NCOR2: variants seen among roughly 807,000 people sequenced by gnomAD.
NCOR2 encodes the protein nuclear receptor corepressor 2.
NCOR2 carries 81 observed loss-of-function variants against 262.9 expected under a neutral mutation model. That is an observed-to-expected ratio of 0.31 (90% CI 0.26 to 0.37). The LOEUF (loss-of-function observed/expected upper bound fraction) is 0.37. Ranked by LOEUF, NCOR2 falls within the 10% of genes least tolerant of loss-of-function variation. The pLI, the probability that NCOR2 is intolerant of heterozygous loss-of-function variation, is 1.00. For synonymous variants in NCOR2, 1,659 were observed against 1,559.3 expected, an observed-to-expected ratio of 1.06 and a Z score of -1.51; for missense variants, 3,385 against 3,621.4, an observed-to-expected ratio of 0.93 and a Z score of 1.68.
At chr12:124,447,693 TC>T (rs2045266626) in intron 7 of NCOR2, among the ~76,000 whole-genome samples, 3 of 149,708 alleles carry the variant, frequency 2.0e-5, no homozygotes, top group East Asian at 3.9e-4. Context: ...CTTTTTTCTT[TC>T]TTTCTTTTTT....
chr12:124,460,578 C>G (rs1316539859), intron 5 of NCOR2, among the ~76,000 whole-genome samples: 1 of 152,216 alleles, frequency 6.6e-6, no homozygotes, highest in Non-Finnish European at 1.5e-5. Context: ...CTCTCTGCCC[C>G]CTCCATAGAG....
In NCOR2 at chr12:124,517,606, G is replaced by A. The variant is rs979029860; in HGVS notation, c.-118+17959C>T. The stretch of plus-strand genomic sequence containing the variant: ...CCGCGGAGCCCCAGGGCAGAGCCTC[G>A]GGAGCGCCCACGATCACATGCCCTC... On this transcript the variant is annotated intron_variant, in intron 1 of 46. Coordinates refer to the NCOR2 transcript ENST00000404621. This position sits in a 1 kb window ranked among gnomAD's most constrained non-coding sequence, Gnocchi z 7.6. 3.3e-5 allele frequency among the ~76,000 whole-genome samples: 5 copies of A among 152,150 alleles called. No individual in the cohort carries two copies. The highest frequency in any genetic ancestry group is 1.2e-4 in the African/African-American group (5 of 41,436).
At chr12:124,398,328 T>C in intron 15 of NCOR2, 147 bp from the exon 18 acceptor site, 1 of 787,110 alleles carries the variant, frequency 1.3e-6, no homozygotes, top group Non-Finnish European at 2.1e-6. Flanking sequence ...GAAGGCCACA[T>C]TTCAGACGCC....
Position 124,440,971 on chromosome 12 carries a change from G to A in NCOR2, c.816-2975C>T. Among the ~76,000 whole-genome samples, 1 of 152,152 alleles carries A rather than the reference G, an allele frequency of 6.6e-6. No individual in the cohort carries two copies. Among genetic ancestry groups the A allele is most frequent in the East Asian group, 1.9e-4 (1 of 5,192 alleles). On this transcript the variant is annotated intron_variant, in intron 7 of 46. Transcript: ENST00000405201. This position sits in a 1 kb window ranked among gnomAD's most constrained non-coding sequence, Gnocchi z 5.7. ...GGCCCTGTGGCTGGACAGTGCTGGGGAGGGGCAGAGAGGACGGAGGAGGGG... is the reference window on the plus strand; with the variant it reads ...GGCCCTGTGGCTGGACAGTGCTGGGAAGGGGCAGAGAGGACGGAGGAGGGG...
intron 2 of NCOR2, among the ~76,000 whole-genome samples, chr12:124,484,602 A>ACTGCACTCCTGCCC (rs2047676864): frequency 1.3e-5 from 2 of 152,120 alleles, no homozygotes; most frequent in Non-Finnish European, 2.9e-5. Context: ...CTGTCCCGCC[A>ACTGCACTCCTGCCC]CTGCACTCCT....
Position 124,426,355 on chromosome 12 carries a change from C to G in NCOR2, c.1328+267G>C, listed in dbSNP as rs555414199. ...GAAGGCAGAGCATGGAAGGATGCAT[C>G]TAGAAGCCCCGGAAGGCCAAGGATG... On this transcript the variant is annotated intron_variant, in intron 11 of 46. Coordinates refer to ENST00000405201, the Ensembl canonical transcript of NCOR2. Among the ~76,000 whole-genome samples the G allele has an allele frequency of 3.3e-5, 5 of 152,318 alleles. No individual in the cohort carries two copies. The East Asian group carries it at 9.7e-4, about 29-fold the overall frequency.
Position 124,450,213 on chromosome 12 carries a change from G to A in NCOR2, c.763-346C>T, listed in dbSNP as rs529217391. 7.2e-5 allele frequency among the ~76,000 whole-genome samples: 11 copies of A among 152,324 alleles called. No individual in the cohort carries two copies. In the South Asian group the frequency reaches 2.3e-3, roughly 32 times the overall value. On this transcript the variant is annotated intron_variant, in intron 6 of 46. Transcript: ENST00000405201. ...CAGAGATTGGCCCTGGCCACCAAACGTGGAAAGCCACTTGGCTTCCTAGCT... is the reference window on the plus strand; with the variant it reads ...CAGAGATTGGCCCTGGCCACCAAACATGGAAAGCCACTTGGCTTCCTAGCT...
chr12:124,495,317 G>T (rs1413935325), upstream of NCOR2: 3 of 1,529,188 alleles, frequency 2.0e-6, no homozygotes, highest in Non-Finnish European at 2.6e-6. This position sits in a 1 kb window ranked among gnomAD's most constrained non-coding sequence, Gnocchi z 4.4. Flanking sequence ...CACCACCAAG[G>T]ATTAAAAGCC....
intron 8 of NCOR2, among the ~76,000 whole-genome samples, chr12:124,435,662 C>T (rs757701154): frequency 1.1e-4 from 16 of 152,198 alleles, no homozygotes; most frequent in Non-Finnish European, 1.8e-4. Context: ...CACGTGCCCA[C>T]ACACCTGCCC....
intron 44 of NCOR2, 103 bp from the exon 47 acceptor site, chr12:124,327,736 G>T: frequency 1.3e-6 from 1 of 748,730 alleles, no homozygotes. Context: ...GGAAGGAGGA[G>T]GAGGAGGAGG....
At chr12:124,559,406 T>C (rs558680588) in intron 1 of NCOR2, among the ~76,000 whole-genome samples, 25 of 152,276 alleles carry the variant, frequency 1.6e-4, no homozygotes, top group Non-Finnish European at 3.2e-4. Flanking sequence ...GGTTCTCAAA[T>C]GGGACATCTT....
rs958627720 is a variant in NCOR2 at position 124,428,086 on chromosome 12, T to TGTGTGTGTGTGTGTGTGTGTGTGTGC, written c.1150-1287_1150-1286insGCACACACACACACACACACACACAC. Among the ~76,000 whole-genome samples, 414 of 147,138 alleles carry TGTGTGTGTGTGTGTGTGTGTGTGTGC rather than the reference T, an allele frequency of 2.8e-3. 8 individuals carry two copies. The highest frequency in any genetic ancestry group is 4.6e-3 in the Non-Finnish European group (306 of 66,302). Reference sequence around the variant, plus strand: ...GTGTGTGTGTGTGTGTGTGTGTGTGTGTACATGCAACAATCAGCCCAGGTG... The same window carrying TGTGTGTGTGTGTGTGTGTGTGTGTGC: ...GTGTGTGTGTGTGTGTGTGTGTGTGTGTGTGTGTGTGTGTGTGTGTGTGTGCGTACATGCAACAATCAGCCCAGGTG... On this transcript the variant is annotated intron_variant, in intron 10 of 46. Transcript: ENST00000405201.
chr12:124,369,243 G>A (rs1031261742), intron 20 of NCOR2, among the ~76,000 whole-genome samples: 6 of 152,330 alleles, frequency 3.9e-5, no homozygotes, highest in Middle Eastern at 3.4e-3. Context: ...TGCAATTGAA[G>A]CCACTATCTC....
intron 13 of NCOR2, among the ~76,000 whole-genome samples, chr12:124,415,702 C>G (rs2042822147): frequency 6.6e-6 from 1 of 152,218 alleles, no homozygotes; most frequent in South Asian, 2.1e-4. Flanking sequence ...GCAGCTTCAG[C>G]AGGGGATAAA....
In NCOR2 at chr12:124,327,386, C is replaced by A. The variant is rs371413774; in HGVS notation, c.7183+23G>T. ...CACCGGGGGTGGGGACAGACGGGGG[C>A]GGGGCGGGGGTGGCCTGCAGACCTG... On this transcript the variant is annotated intron_variant, in intron 45 of 46. Coordinates refer to ENST00000405201, the Ensembl canonical transcript of NCOR2. 52 of 1,162,202 alleles carry A rather than the reference C, an allele frequency of 4.5e-5. No homozygotes were observed. The South Asian group carries it at 6.0e-4, about 13-fold the overall frequency. The allele number at this position is 1,162,202 out of a possible 1,614,324, so 72.0% of individuals were successfully genotyped here.
At chr12:124,398,580 G>C (rs1185939268) in intron 15 of NCOR2, among the ~76,000 whole-genome samples, 1 of 152,250 alleles carries the variant, frequency 6.6e-6, no homozygotes, top group Non-Finnish European at 1.5e-5. Context: ...CGTGGCGACA[G>C]TGGGACACAA....
chr12:124,330,755 G>T, intron 44 of NCOR2, 90 bp downstream of exon 46: 1 of 1,410,130 alleles, frequency 7.1e-7, no homozygotes, highest in Non-Finnish European at 9.8e-7. Context: ...ACTAGCGAAG[G>T]CTCCTCGTCC....
chr12:124,419,905 G>C, intron 13 of NCOR2, 52 bp downstream of exon 15: 1 of 1,530,034 alleles, frequency 6.5e-7, no homozygotes, highest in Admixed American at 1.7e-5. Flanking sequence ...GCAAGTGGCC[G>C]CTGAGCATGC....
intron 16 of NCOR2, 44 bp from the exon 19 acceptor site, chr12:124,385,931 A>C: frequency 6.3e-7 from 1 of 1,595,416 alleles, no homozygotes; most frequent in Non-Finnish European, 8.5e-7. Flanking sequence ...CAGGCCCGGC[A>C]CGCAGAGGGG....
Sources: allele counts gnomAD v4.1 joint callset (sites outside exome capture counted in the v4.1 genomes callset), GRCh38; gene constraint gnomAD v4.1.1; non-coding constraint Gnocchi (gnomAD v3.1); transcripts MANE v1.5; gene names NCBI Gene and HGNC (gene_info 2026-07-23, HGNC 2026-07-21).